TSHZ3: variants seen among roughly 807,000 people sequenced by gnomAD.
TSHZ3 encodes the protein teashirt homolog 3.
TSHZ3 carries 10 observed loss-of-function variants against 64.5 expected under a neutral mutation model. The observed-to-expected ratio is 0.16, with a 90% CI of 0.10 to 0.26. TSHZ3 has a LOEUF of 0.26. Among genes scored for constraint, TSHZ3 ranks in the 10% least tolerant of loss-of-function variants. The pLI is 1.00. For missense variants in TSHZ3, 1,242 were observed against 1,421.7 expected (o/e 0.87, Z 2.03); for synonymous variants, 608 against 593.1 (o/e 1.03, Z -0.36).
At chr19:31,346,815 G>T (rs2021534510) in intron 1 of TSHZ3, among the ~76,000 whole-genome samples, 1 of 150,236 alleles carries the variant, frequency 6.7e-6, no homozygotes. Flanking sequence ...AAACCTCTGT[G>T]CATACTTATC....
chr19:31,231,425 G>C (rs1373367951), intron 3 of TSHZ3, among the ~76,000 whole-genome samples: 1 of 152,088 alleles, frequency 6.6e-6, no homozygotes, highest in Non-Finnish European at 1.5e-5. Context: ...CACCACCCAG[G>C]CCTCAATTTC....
At chr19:31,170,747 T>C (rs906403872) in intron 5 of TSHZ3, among the ~76,000 whole-genome samples, 1 of 152,260 alleles carries the variant, frequency 6.6e-6, no homozygotes, top group Admixed American at 6.5e-5. Context: ...TGTAGTGCTT[T>C]AAAACAAAGT....
chr19:31,239,069 T>A (rs1473570636), intron 3 of TSHZ3, among the ~76,000 whole-genome samples: 3 of 152,178 alleles, frequency 2.0e-5, no homozygotes, highest in Non-Finnish European at 4.4e-5. Context: ...AATGTGTTTT[T>A]TAAATTATCA....
intron 5 of TSHZ3, among the ~76,000 whole-genome samples, chr19:31,203,041 T>C (rs1975110411): frequency 6.6e-6 from 1 of 151,720 alleles, no homozygotes; most frequent in Admixed American, 6.6e-5. Context: ...CATTAGAAGA[T>C]GATAAGTAAT....
At chr19:31,152,675 C>A (rs1249686500) in intron 6 of TSHZ3, among the ~76,000 whole-genome samples, 1 of 152,090 alleles carries the variant, frequency 6.6e-6, no homozygotes, top group Non-Finnish European at 1.5e-5. Flanking sequence ...AGAACCTTCA[C>A]GATTATCCTG....
intron 1 of TSHZ3, among the ~76,000 whole-genome samples, chr19:31,315,860 A>T (rs1916586532): frequency 6.6e-6 from 1 of 152,308 alleles, no homozygotes; most frequent in South Asian, 2.1e-4. Flanking sequence ...GTGATTTATT[A>T]AGCTAATAAA....
intron 5 of TSHZ3, among the ~76,000 whole-genome samples, chr19:31,161,658 G>A (rs1974375412): frequency 6.6e-6 from 1 of 152,136 alleles, no homozygotes; most frequent in Non-Finnish European, 1.5e-5. Flanking sequence ...CAGTAACTTT[G>A]GGCCACCTCC....
rs150083605 is a variant in TSHZ3, at chr19:31,313,928, T to C, written c.41-34176A>G. Among the ~76,000 whole-genome samples, 1,198 of 152,320 alleles carry C rather than the reference T, an allele frequency of 7.9e-3. 5 individuals carry two copies. Among genetic ancestry groups the C allele is most frequent in the Middle Eastern group, 0.02 (6 of 294 alleles). On this transcript the variant is annotated intron_variant, in intron 1 of 1. Coordinates refer to ENST00000240587, the MANE Select transcript of TSHZ3 (RefSeq NM_020856.4). The stretch of plus-strand genomic sequence containing the variant: ...ACCTGCAGCACACAATTGGAAGTCT[T>C]TGCGCCACAGAATTTCACTTGTAAA...
intron 4 of TSHZ3, among the ~76,000 whole-genome samples, chr19:31,212,738 A>G (rs1237748763): frequency 6.6e-6 from 1 of 152,170 alleles, no homozygotes; most frequent in Non-Finnish European, 1.5e-5. Flanking sequence ...CCATCCTGCA[A>G]TCCCACTCCT....
At chr19:31,292,060 C>T (rs1363873792) in intron 1 of TSHZ3, among the ~76,000 whole-genome samples, 1 of 152,208 alleles carries the variant, frequency 6.6e-6, no homozygotes, top group African/African-American at 2.4e-5. Context: ...ACTGCCCTCT[C>T]AGAATAAAGA....
intron 4 of TSHZ3, among the ~76,000 whole-genome samples, chr19:31,210,591 G>A (rs572688425): frequency 6.6e-6 from 1 of 152,262 alleles, no homozygotes; most frequent in South Asian, 2.1e-4. Flanking sequence ...AGAAACAGGG[G>A]AGATTTTGCT....
intron 5 of TSHZ3, among the ~76,000 whole-genome samples, chr19:31,181,224 T>A (rs1974709197): frequency 6.6e-6 from 1 of 152,094 alleles, no homozygotes; most frequent in South Asian, 2.1e-4. Flanking sequence ...TAAGAAGGTG[T>A]CTCATGATTT....
intron 1 of TSHZ3, among the ~76,000 whole-genome samples, chr19:31,290,199 C>G (rs1209642208): frequency 6.6e-6 from 1 of 152,146 alleles, no homozygotes; most frequent in African/African-American, 2.4e-5. Flanking sequence ...GGCCCAGAGC[C>G]CTGGTGGGTG....
At chr19:31,339,364 C>T (rs1311827223) in intron 1 of TSHZ3, among the ~76,000 whole-genome samples, 3 of 152,090 alleles carry the variant, frequency 2.0e-5, no homozygotes, top group African/African-American at 7.2e-5. Flanking sequence ...CAATCTCCCA[C>T]CCGCCACGCC....
At chr19:31,159,192 G>T (rs989345651) in intron 5 of TSHZ3, among the ~76,000 whole-genome samples, 1 of 152,106 alleles carries the variant, frequency 6.6e-6, no homozygotes, top group Non-Finnish European at 1.5e-5. Flanking sequence ...TGGAGATGGG[G>T]GTTTCACCAT....
chr19:31,275,762 T>C lies in TSHZ3; in HGVS notation c.*785A>G, dbSNP rs751721009. 7 of 152,540 alleles carry C rather than the reference T, an allele frequency of 4.6e-5. No individual in the cohort carries two copies. The highest frequency in any genetic ancestry group is 1.5e-5 in the Non-Finnish European group (1 of 68,034). 9.4% of individuals were successfully genotyped at this position (152,540 alleles called of 1,614,324 possible). On this transcript the variant is annotated 3_prime_UTR_variant, in exon 2 of 2. Coordinates refer to ENST00000240587, the MANE Select transcript of TSHZ3 (RefSeq NM_020856.4). Reference sequence around the variant, plus strand: ...CTATCTGTGGTATCTTCTGTATAATTTACAATGTTTGCATGTAAAAAACAA... The same window carrying C: ...CTATCTGTGGTATCTTCTGTATAATCTACAATGTTTGCATGTAAAAAACAA...
chr19:31,298,855 T>C (rs1017013578), intron 1 of TSHZ3, among the ~76,000 whole-genome samples: 1 of 152,210 alleles, frequency 6.6e-6, no homozygotes, highest in East Asian at 1.9e-4. Context: ...TAAAATGTAC[T>C]ACTTAAGAGT....
rs185816721 is a variant in TSHZ3 at position 31,215,493 on chromosome 19, C to G, written n.687-10415G>C. Among the ~76,000 whole-genome samples the G allele has an allele frequency of 9.6e-4, 146 of 152,248 alleles. 1 individual carries two copies. The highest frequency in any genetic ancestry group is 3.8e-4 in the Non-Finnish European group (26 of 68,004). The stretch of plus-strand genomic sequence containing the variant: ...GGGTAAAAATGTGAGCTTTAAAAAA[C>G]TAAAACTCTGAAGATAGCTGGTCCC... On this transcript the variant is annotated intron_variant and non_coding_transcript_variant, in intron 4 of 6. Transcript: ENST00000651361.
At chr19:31,294,653 A>G (rs1413535125) in intron 1 of TSHZ3, among the ~76,000 whole-genome samples, 1 of 152,212 alleles carries the variant, frequency 6.6e-6, no homozygotes, top group Non-Finnish European at 1.5e-5. Context: ...CCTCATGTCT[A>G]TATATTAAAA....
Sources: allele counts gnomAD v4.1 joint callset (sites outside exome capture counted in the v4.1 genomes callset), GRCh38; gene constraint gnomAD v4.1.1; transcripts MANE v1.5; gene names NCBI Gene and HGNC (gene_info 2026-07-23, HGNC 2026-07-21).